Variants in ZNF423 observed in about 807,000 individuals in gnomAD.
ZNF423 encodes Ebf-associated zinc finger protein.
In ZNF423, 12 loss-of-function variants were observed where a neutral mutation model predicts 95.8. The ratio of observed to expected loss-of-function variants is 0.13; its 90% CI spans 0.08 to 0.20. The LOEUF (loss-of-function observed/expected upper bound fraction) is 0.20, where lower values mean the gene tolerates loss of function less well. Among genes scored for constraint, ZNF423 ranks in the 10% least tolerant of loss-of-function variants. ZNF423 has a pLI of 1.00. For missense variants in ZNF423, 1,316 were observed against 1,737.1 expected (o/e 0.76, Z 4.31); for synonymous variants, 749 against 711.9 (o/e 1.05, Z -0.83).
At chr16:49,685,649 G>A (rs940817515) in intron 3 of ZNF423, among the ~76,000 whole-genome samples, 2 of 151,996 alleles carry the variant, frequency 1.3e-5, no homozygotes, top group Admixed American at 6.6e-5. Context: ...CCTTGTCAAC[G>A]TGGTCCCTAG....
intron 7 of ZNF423, chr16:49,518,487 C>G: frequency 6.9e-6 from 3 of 436,324 alleles, no homozygotes; most frequent in Non-Finnish European, 1.4e-5. Flanking sequence ...CTGTCCCTAT[C>G]TCTGCATTCT....
chr16:49,577,959 A>G (rs1970551172), intron 5 of ZNF423, among the ~76,000 whole-genome samples: 1 of 152,136 alleles, frequency 6.6e-6, no homozygotes, highest in Admixed American at 6.5e-5. Context: ...ACCTAGACAC[A>G]TGGCAGGCAC....
intron 5 of ZNF423, among the ~76,000 whole-genome samples, chr16:49,607,186 T>G (rs1303423964): frequency 5.9e-5 from 9 of 151,920 alleles, no homozygotes; most frequent in African/African-American, 1.7e-4. Context: ...GCAGGCCTTA[T>G]GATAAACCCT....
intron 5 of ZNF423, among the ~76,000 whole-genome samples, chr16:49,549,931 G>T (rs548104148): frequency 3.8e-4 from 58 of 151,966 alleles, no homozygotes; most frequent in African/African-American, 1.3e-3. Flanking sequence ...GGAGTGCAGT[G>T]GTGCAATCAC....
intron 5 of ZNF423, among the ~76,000 whole-genome samples, chr16:49,536,432 G>GTTTTTTTTTTTTTTTTTTGTTTTTTT (rs767808121): frequency 7.9e-6 from 1 of 126,806 alleles, no homozygotes; most frequent in Non-Finnish European, 1.6e-5. Context: ...TTTCTGGGTG[G>GTTTTTTTTTTTTTTTTTTGTTTTTTT]TTTTTTTTTT....
chr16:49,830,045 G>A (rs1040221653), intron 1 of ZNF423, among the ~76,000 whole-genome samples: 3 of 152,116 alleles, frequency 2.0e-5, no homozygotes, highest in African/African-American at 7.2e-5. Flanking sequence ...GTAAACAAGT[G>A]AATACATCAA....
intron 7 of ZNF423, among the ~76,000 whole-genome samples, chr16:49,495,758 A>T (rs1967143918): frequency 1.3e-5 from 2 of 152,118 alleles, no homozygotes; most frequent in Non-Finnish European, 2.9e-5. Context: ...TGCGCGCCCC[A>T]GGAGGGGGCC....
chr16:49,664,669 G>T (rs1238441070), intron 3 of ZNF423, among the ~76,000 whole-genome samples: 3 of 152,036 alleles, frequency 2.0e-5, no homozygotes, highest in Non-Finnish European at 4.4e-5. Context: ...GCCCCTGGGT[G>T]GGGTGGGTGG....
intron 1 of ZNF423, among the ~76,000 whole-genome samples, chr16:49,833,787 C>T (rs907942518): frequency 3.9e-5 from 5 of 126,942 alleles, no homozygotes; most frequent in Non-Finnish European, 8.3e-5. Flanking sequence ...TCAGGGATTT[C>T]GTGGGAAGGG....
intron 5 of ZNF423, among the ~76,000 whole-genome samples, chr16:49,536,974 A>T (rs903087639): frequency 1.3e-5 from 2 of 152,232 alleles, no homozygotes. Context: ...ATATTTATTG[A>T]ACTGTGGAAT....
intron 1 of ZNF423, among the ~76,000 whole-genome samples, chr16:49,831,981 C>CAA (rs796358974): frequency 7.3e-5 from 9 of 122,608 alleles, no homozygotes; most frequent in African/African-American, 1.2e-4. Flanking sequence ...AAGACTATCT[C>CAA]AAAAAAAAAA....
chr16:49,742,310 G>GA (rs1418061203), intron 2 of ZNF423, among the ~76,000 whole-genome samples: 1 of 152,122 alleles, frequency 6.6e-6, no homozygotes, highest in Non-Finnish European at 1.5e-5. Context: ...GGAATGAGTG[G>GA]AAAGAAAAGA....
chr16:49,794,425 C>G (rs1458622985), intron 1 of ZNF423, among the ~76,000 whole-genome samples: 1 of 152,124 alleles, frequency 6.6e-6, no homozygotes, highest in African/African-American at 2.4e-5. Flanking sequence ...CTGTCGGTCA[C>G]CTTGAGAATG....
chr16:49,646,434 C>T (rs1406651623), intron 3 of ZNF423, among the ~76,000 whole-genome samples: 5 of 152,178 alleles, frequency 3.3e-5, no homozygotes, highest in African/African-American at 9.7e-5. Context: ...GCCTGTAAAA[C>T]TAGCATCAGT....
Position 49,636,880 on chromosome 16 carries a change from C to T in ZNF423, c.2296G>A (p.Asp766Asn). 6.2e-7 allele frequency: 1 copy of T among 1,614,008 alleles called. No individual in the cohort carries two copies. The highest frequency in any genetic ancestry group is 1.1e-5 in the South Asian group (1 of 91,086). The change falls in exon 4 of 8, where the codon GAC becomes AAC. Residue 766 changes from aspartate to asparagine, a missense_variant. By Grantham distance (23) the Asp-to-Asn change is conservative. Coordinates refer to ENST00000563137, the MANE Select transcript of ZNF423 (RefSeq NM_001379286.1). This position sits in a 1 kb window ranked among gnomAD's most constrained non-coding sequence, Gnocchi z 8.6. ...KMYRCTACNW[D>N]FRKEADLQVH... ...TGCAGGTCAGCCTCCTTGCGGAAGT[C>T]CCAGTTGCAGGCCGTGCAGCGGTAC...
chr16:49,692,966 G>A (rs572434069), intron 3 of ZNF423, among the ~76,000 whole-genome samples: 16 of 152,344 alleles, frequency 1.1e-4, no homozygotes, highest in Admixed American at 8.5e-4. Flanking sequence ...TTGAATGAAC[G>A]AGTGAAAAGC....
intron 1 of ZNF423, among the ~76,000 whole-genome samples, chr16:49,839,075 C>G (rs2035154708): frequency 6.6e-6 from 1 of 150,646 alleles, no homozygotes; most frequent in Admixed American, 6.6e-5. Flanking sequence ...TCCCCGCCTC[C>G]TCCCCAACTG....
chr16:49,818,829 A>G (rs1189625915), intron 1 of ZNF423, among the ~76,000 whole-genome samples: 2 of 152,184 alleles, frequency 1.3e-5, no homozygotes, highest in Non-Finnish European at 2.9e-5. Flanking sequence ...CAAAACTACA[A>G]TGAGCTGTAA....
intron 7 of ZNF423, among the ~76,000 whole-genome samples, chr16:49,502,790 GAC>G (rs72202996): frequency 0.033 from 4,419 of 135,150 alleles, 125 homozygotes; most frequent in African/African-American, 0.07. Context: ...AAATACTCTA[GAC>G]ACACACACAC....
Sources: allele counts gnomAD v4.1 joint callset (sites outside exome capture counted in the v4.1 genomes callset), GRCh38; gene constraint gnomAD v4.1.1; non-coding constraint Gnocchi (gnomAD v3.1); transcripts MANE v1.5; gene names NCBI Gene and HGNC (gene_info 2026-07-23, HGNC 2026-07-21).